Variants in CYP19A1 observed in about 807,000 individuals in gnomAD.
CYP19A1 encodes aromatase.
In CYP19A1, 32 loss-of-function variants were observed where a neutral mutation model predicts 44.4. The observed-to-expected ratio is 0.72, with a 90% CI of 0.54 to 0.97. The LOEUF (loss-of-function observed/expected upper bound fraction) is 0.97. Ranked by LOEUF, CYP19A1 falls within the 50% of genes least tolerant of loss-of-function variation. The pLI is 0.00. For synonymous variants in CYP19A1, 212 were observed against 215.6 expected, an observed-to-expected ratio of 0.98 and a Z score of 0.14; for missense variants, 598 against 637.8, an observed-to-expected ratio of 0.94 and a Z score of 0.67.
intron 1 of CYP19A1, among the ~76,000 whole-genome samples, chr15:51,333,535 G>A (rs1318495350): frequency 6.6e-6 from 1 of 152,186 alleles, no homozygotes; most frequent in Non-Finnish European, 1.5e-5. Flanking sequence ...CACATGTTTA[G>A]GGTCCACAGT....
At chr15:51,328,472 T>C (rs1454598113) in intron 1 of CYP19A1, among the ~76,000 whole-genome samples, 1 of 152,080 alleles carries the variant, frequency 6.6e-6, no homozygotes, top group Non-Finnish European at 1.5e-5. Context: ...TAGTAACAAA[T>C]GCCTCCACAA....
intron 3 of CYP19A1, 50 bp from the exon 4 acceptor site, chr15:51,227,983 C>T: frequency 1.0e-6 from 1 of 982,678 alleles, no homozygotes; most frequent in Non-Finnish European, 1.7e-6. Context: ...CAGGAGAACT[C>T]CTGGTGGTAC....
chr15:51,260,402 G>A (rs918488142), intron 1 of CYP19A1, among the ~76,000 whole-genome samples: 27 of 152,154 alleles, frequency 1.8e-4, no homozygotes, highest in African/African-American at 4.8e-5. Context: ...GACTAAAAAC[G>A]TCTGGTTCCT....
chr15:51,279,830 A>G (rs1307573701), intron 1 of CYP19A1: 1 of 152,380 alleles, frequency 6.6e-6, no homozygotes, highest in East Asian at 1.9e-4. Flanking sequence ...AGGAGGCTGA[A>G]AGAGAAAGAG....
chr15:51,280,231 G>C (rs1333964696), intron 1 of CYP19A1, among the ~76,000 whole-genome samples: 1 of 151,724 alleles, frequency 6.6e-6, no homozygotes, highest in Non-Finnish European at 1.5e-5. Flanking sequence ...GAGTAGCTGG[G>C]ACTACAGGCG....
chr15:51,319,255 A>T (rs2036485162), intron 1 of CYP19A1, among the ~76,000 whole-genome samples: 1 of 152,228 alleles, frequency 6.6e-6, no homozygotes. Context: ...GCTTAGCCTA[A>T]GCTTTAGCAG....
At chr15:51,236,152 A>G (rs990617193) in intron 3 of CYP19A1, among the ~76,000 whole-genome samples, 1 of 152,246 alleles carries the variant, frequency 6.6e-6, no homozygotes, top group Non-Finnish European at 1.5e-5. Flanking sequence ...TTCCTGATTT[A>G]TGTAAGATCA....
chr15:51,260,387 A>G (rs2034669592), intron 1 of CYP19A1, among the ~76,000 whole-genome samples: 1 of 152,222 alleles, frequency 6.6e-6, no homozygotes, highest in South Asian at 2.1e-4. Context: ...ATATGCATCC[A>G]TTGTGACTAA....
At chr15:51,261,863 T>C (rs2034736167) in intron 1 of CYP19A1, among the ~76,000 whole-genome samples, 1 of 152,110 alleles carries the variant, frequency 6.6e-6, no homozygotes, top group Non-Finnish European at 1.5e-5. Context: ...AGTCTTCAGG[T>C]TCTGGGCCAC....
intron 1 of CYP19A1, among the ~76,000 whole-genome samples, chr15:51,282,307 C>G (rs1461937643): frequency 6.6e-6 from 1 of 152,206 alleles, no homozygotes; most frequent in Non-Finnish European, 1.5e-5. Context: ...ACATAATGTC[C>G]AGGGCTCAGT....
intron 4 of CYP19A1, among the ~76,000 whole-genome samples, chr15:51,227,222 G>A (rs578043801): frequency 2.0e-5 from 3 of 152,120 alleles, no homozygotes; most frequent in South Asian, 4.2e-4. Context: ...TTGGACCTTG[G>A]GCAAGTTACT....
At chr15:51,325,189 C>T (rs980290586) in intron 1 of CYP19A1, among the ~76,000 whole-genome samples, 2 of 152,030 alleles carry the variant, frequency 1.3e-5, no homozygotes, top group Non-Finnish European at 2.9e-5. Flanking sequence ...TCTCAAAAAA[C>T]ATTCCCTGTT....
chr15:51,297,817 GACACACAC>G lies in CYP19A1; in HGVS notation c.-39+40670_-39+40677del, dbSNP rs1159870053. ...TTCTGGAGAGATTCACTGTAGGCAT[GACACACAC>G]ACACACACACACACACACACACACA... is the stretch of plus-strand genomic sequence containing the variant. On this transcript the variant is annotated intron_variant, in intron 1 of 9. Transcript: ENST00000396402. 2.6e-3 allele frequency among the ~76,000 whole-genome samples: 290 copies of G among 111,782 alleles called. 2 individuals carry two copies. Among genetic ancestry groups the G allele is most frequent in the African/African-American group, 6.3e-3 (170 of 27,170 alleles). 73.3% of individuals were successfully genotyped at this position (111,782 alleles called of 152,430 possible).
At chr15:51,278,351 C>G (rs574510093) in intron 1 of CYP19A1, among the ~76,000 whole-genome samples, 2 of 152,298 alleles carry the variant, frequency 1.3e-5, no homozygotes, top group Non-Finnish European at 2.9e-5. Context: ...TGTGCGTACG[C>G]TCCTGTGAAC....
chr15:51,289,327 G>A (rs763710893), intron 1 of CYP19A1, among the ~76,000 whole-genome samples: 2 of 152,188 alleles, frequency 1.3e-5, no homozygotes, highest in Non-Finnish European at 2.9e-5. Flanking sequence ...AAGGGGGCCT[G>A]GGATAAGCAA....
intron 6 of CYP19A1, 61 bp downstream of exon 6, chr15:51,218,480 A>G (rs1369284967): frequency 3.2e-6 from 5 of 1,557,762 alleles, no homozygotes; most frequent in Middle Eastern, 2.2e-4. Context: ...AACAGCAAAG[A>G]CACAAGGGAA....
intron 2 of CYP19A1, among the ~76,000 whole-genome samples, chr15:51,239,343 T>C (rs1461802889): frequency 6.6e-6 from 1 of 152,124 alleles, no homozygotes; most frequent in Non-Finnish European, 1.5e-5. Context: ...TGTGCACATA[T>C]ACATTCAGAA....
chr15:51,328,868 C>A (rs2036655652), intron 1 of CYP19A1, among the ~76,000 whole-genome samples: 1 of 152,102 alleles, frequency 6.6e-6, no homozygotes, highest in Non-Finnish European at 1.5e-5. Context: ...GTTTACTGTC[C>A]CACAAGTAAG....
chr15:51,291,303 C>T (rs1037950422), intron 1 of CYP19A1, among the ~76,000 whole-genome samples: 3 of 151,856 alleles, frequency 2.0e-5, no homozygotes, highest in Non-Finnish European at 2.9e-5. Flanking sequence ...ACAGGACCAA[C>T]GTGAGAGGTG....
Sources: gnomAD v4.1 joint callset for allele counts (sites outside exome capture counted in the v4.1 genomes callset) on GRCh38, gnomAD v4.1.1 for gene constraint, MANE v1.5 for transcripts, NCBI Gene and HGNC (gene_info 2026-07-23, HGNC 2026-07-21) for gene names.